Variants in ING5 observed in about 807,000 individuals in gnomAD.
ING5 encodes the protein inhibitor of growth protein 5.
ING5 carries 17 observed loss-of-function variants against 37.4 expected under a neutral mutation model. That is an observed-to-expected ratio of 0.45 (90% CI 0.31 to 0.68). ING5 has a LOEUF of 0.68. ING5 is among the 30% of genes least tolerant of loss of function. ING5 has a pLI of 0.05. For missense variants in ING5, 233 were observed against 311.9 expected, an observed-to-expected ratio of 0.75 and a Z score of 1.91; for synonymous variants, 123 against 116.6, an observed-to-expected ratio of 1.06 and a Z score of -0.36.
intron 5 of ING5, among the ~76,000 whole-genome samples, chr2:241,716,533 G>A (rs1398262598): frequency 2.6e-5 from 4 of 151,638 alleles, no homozygotes; most frequent in South Asian, 4.2e-4. Context: ...GACCCCAAGT[G>A]ATCCACCCAC....
intron 5 of ING5, among the ~76,000 whole-genome samples, chr2:241,716,616 A>G (rs945932490): frequency 1.3e-5 from 2 of 152,046 alleles, no homozygotes; most frequent in Non-Finnish European, 2.9e-5. Flanking sequence ...GGATTGTTCT[A>G]GTGTGTGCAC....
At chr2:241,697,434 CAAAA>C (rs1189871969), upstream of ING5, among the ~76,000 whole-genome samples, 10 of 69,586 alleles carry the variant, frequency 1.4e-4, no homozygotes, top group African/African-American at 4.9e-4. Flanking sequence ...GACTCTGTCT[CAAAA>C]AAAAAAAAAA....
At chr2:241,702,261 C>A (rs2069759165) in intron 1 of ING5, among the ~76,000 whole-genome samples, 159 bp downstream of exon 1, 2 of 147,100 alleles carry the variant, frequency 1.4e-5, no homozygotes, top group African/African-American at 4.9e-5. Flanking sequence ...CGGGGCAGGG[C>A]CGCAAGGGAG....
In ING5 at chr2:241,702,049, C is replaced by G. The variant is rs760884415; in HGVS notation, c.-17C>G. 5 of 1,384,520 alleles carry G rather than the reference C, an allele frequency of 3.6e-6. No individual in the cohort carries two copies. The highest frequency in any genetic ancestry group is 1.5e-5 in the South Asian group (1 of 67,382). 85.8% of individuals were successfully genotyped at this position (1,384,520 alleles called of 1,614,324 possible). Reference sequence around the variant, plus strand: ...ACCGCCCGCCCGCGCAGACCCCGAGCGCGGCCGCGGACGAAGATGGCGACC... The same window carrying G: ...ACCGCCCGCCCGCGCAGACCCCGAGGGCGGCCGCGGACGAAGATGGCGACC... On this transcript the variant is annotated 5_prime_UTR_variant, in exon 1 of 8. Coordinates refer to ENST00000313552, the MANE Select transcript of ING5 (RefSeq NM_032329.6).
chr2:241,722,443 G>A, intron 5 of ING5: 2 of 985,378 alleles, frequency 2.0e-6, no homozygotes, highest in Non-Finnish European at 2.4e-6. Flanking sequence ...GCCTCCTGGG[G>A]GCCCTCTGTG....
At chr2:241,696,367 G>T (rs1296606515) in intron 2 of ING5, among the ~76,000 whole-genome samples, 1 of 151,838 alleles carries the variant, frequency 6.6e-6, no homozygotes, top group Non-Finnish European at 1.5e-5. Context: ...CTCCAGCCGG[G>T]GTGACAGTGC....
chr2:241,697,267 G>T (rs1437608355), upstream of ING5, among the ~76,000 whole-genome samples: 1 of 151,408 alleles, frequency 6.6e-6, no homozygotes, highest in Non-Finnish European at 1.5e-5. Context: ...AACCCCATGT[G>T]TACTAAAAAT....
In ING5 at chr2:241,714,091, A is replaced by G. The variant is rs541819207; in HGVS notation, c.482+2020A>G. 2.0e-5 allele frequency among the ~76,000 whole-genome samples: 3 copies of G among 152,140 alleles called. No homozygotes were observed. The South Asian group carries it at 6.2e-4, about 32-fold the overall frequency. Reference sequence around the variant, plus strand: ...TGGTTTAATTAATTTCCGTAAAGTGAAGATCTTTGTAAGTAGCACCTAGTC... The same window carrying G: ...TGGTTTAATTAATTTCCGTAAAGTGGAGATCTTTGTAAGTAGCACCTAGTC... On this transcript the variant is annotated intron_variant, in intron 5 of 7. Transcript: ENST00000313552.
chr2:241,702,020 C>G (rs1482000001), upstream of ING5: 1 of 1,329,824 alleles, frequency 7.5e-7, no homozygotes, highest in South Asian at 1.7e-5. Context: ...CCGCCTCCCG[C>G]GGCACCGCCC....
At chr2:241,698,657 G>A (rs1276949439), upstream of ING5, among the ~76,000 whole-genome samples, 1 of 152,050 alleles carries the variant, frequency 6.6e-6, no homozygotes, top group African/African-American at 2.4e-5. Context: ...CTAACATTAG[G>A]ACTGAAAGCT....
At chr2:241,720,564 A>C (rs1437182384) in intron 5 of ING5, 1 of 987,280 alleles carries the variant, frequency 1.0e-6, no homozygotes, top group Non-Finnish European at 1.2e-6. Context: ...GATGAAGGGC[A>C]GTGTCACCTG....
chr2:241,722,256 G>GGTGACGTGTGCTTGTGAC (rs1490004746), intron 5 of ING5: 2 of 985,306 alleles, frequency 2.0e-6, no homozygotes, highest in African/African-American at 3.5e-5. Context: ...TGCTGGCAGA[G>GGTGACGTGTGCTTGTGAC]GTGACGTGTG....
intron 3 of ING5, 144 bp downstream of exon 3, chr2:241,709,526 C>T (rs112800380): frequency 6.6e-5 from 44 of 667,172 alleles, no homozygotes; most frequent in African/African-American, 1.1e-4. Flanking sequence ...GAAGTGCAGA[C>T]GGAATACACT....
At chr2:241,701,902 A>C (rs909861416), upstream of ING5, 3 of 335,474 alleles carry the variant, frequency 8.9e-6, no homozygotes, top group South Asian at 1.1e-4. Flanking sequence ...CGGGCCCCGC[A>C]GCCCGCCGCC....
intron 5 of ING5, among the ~76,000 whole-genome samples, chr2:241,715,174 A>C (rs2070228197): frequency 6.6e-6 from 1 of 151,932 alleles, no homozygotes. Flanking sequence ...TATTTCGTTT[A>C]CCTATTTAAA....
chr2:241,697,304 G>C (rs28891682), upstream of ING5, among the ~76,000 whole-genome samples: 13,010 of 149,512 alleles, frequency 0.087, 1,401 homozygotes, highest in African/African-American at 0.26. Flanking sequence ...GCGTGGTGTC[G>C]GGCGCCTGTA....
In ING5 at chr2:241,729,401, G is replaced by A. The variant is rs1461822272; in HGVS notation, c.*4370G>A. ...AAATCTTTTTATTAGATAATGTAAA[G>A]ATGTATATCAGTATTTTTGGATCAT... is the stretch of plus-strand genomic sequence containing the variant. On this transcript the variant is annotated 3_prime_UTR_variant, in exon 8 of 8. Transcript: ENST00000313552. 2.0e-5 allele frequency: 3 copies of A among 152,632 alleles called. No individual in the cohort carries two copies. 9.5% of individuals were successfully genotyped at this position (152,632 alleles called of 1,614,324 possible).
intron 5 of ING5, among the ~76,000 whole-genome samples, chr2:241,715,965 G>T (rs949468508): frequency 4.6e-5 from 7 of 151,656 alleles, no homozygotes; most frequent in Non-Finnish European, 1.0e-4. Flanking sequence ...GCTAATTTTT[G>T]TATTTTTAAC....
Position 241,725,274 on chromosome 2 carries a change from G to T in ING5, c.*243G>T. 1.9e-6 allele frequency: 1 copy of T among 539,612 alleles called. No individual in the cohort carries two copies. The highest frequency in any genetic ancestry group is 2.1e-5 in the South Asian group (1 of 48,256). The allele number at this position is 539,612 out of a possible 1,614,324, so 33.4% of individuals were successfully genotyped here. On this transcript the variant is annotated 3_prime_UTR_variant, in exon 8 of 8. Coordinates refer to ENST00000313552, the MANE Select transcript of ING5 (RefSeq NM_032329.6). ...TTTACAGGACTCCCCCCGAGCATCA[G>T]CAGGGACCCCGGCGGACGTGGGCGG...
Sources: allele counts gnomAD v4.1 joint callset (sites outside exome capture counted in the v4.1 genomes callset), GRCh38; gene constraint gnomAD v4.1.1; transcripts MANE v1.5; gene names NCBI Gene and HGNC (gene_info 2026-07-23, HGNC 2026-07-21).